Variants in NEGR1 observed in about 807,000 individuals in gnomAD.
The protein encoded by NEGR1 is neuronal growth regulator 1.
Under a neutral mutation model 40.9 loss-of-function variants are expected in NEGR1, and 10 were observed. The observed-to-expected ratio is 0.24, with a 90% CI of 0.15 to 0.42. The LOEUF (loss-of-function observed/expected upper bound fraction) is 0.42. NEGR1 is among the 10% of genes least tolerant of loss of function. The probability of loss-of-function intolerance (pLI) is 1.00; values close to 1 mark genes in which losing one functional copy is unlikely to be tolerated. For synonymous variants in NEGR1, 185 were observed against 166.8 expected (o/e 1.11, Z -0.84); for missense variants, 352 against 438.9 (o/e 0.80, Z 1.77).
rs190853517 is a variant in NEGR1 at position 71,801,861 on chromosome 1, G to A, written c.410-25564C>T. 2.5e-3 allele frequency among the ~76,000 whole-genome samples: 388 copies of A among 152,284 alleles called. No homozygotes were observed. The Middle Eastern group carries it at 0.031, about 12-fold the overall frequency. On this transcript the variant is annotated intron_variant, in intron 2 of 6. Coordinates refer to ENST00000357731, the MANE Select transcript of NEGR1 (RefSeq NM_173808.3). ...TAAAGGTGATACTGATGAGGGTTCT[G>A]AAAGAAAAGAGGAAGACAGTAGTGC...
At chr1:72,262,751 C>CTTCTAAAATTA (rs1274416264) in intron 1 of NEGR1, among the ~76,000 whole-genome samples, 1 of 151,794 alleles carries the variant, frequency 6.6e-6, no homozygotes, top group East Asian at 1.9e-4. Flanking sequence ...AGATATTTGT[C>CTTCTAAAATTA]TTCTAAAATT....
chr1:71,653,282 T>C (rs1651776443), intron 4 of NEGR1, among the ~76,000 whole-genome samples: 1 of 152,236 alleles, frequency 6.6e-6, no homozygotes, highest in Admixed American at 6.5e-5. Context: ...TTGGAATATT[T>C]ATGAAGACAT....
intron 2 of NEGR1, among the ~76,000 whole-genome samples, chr1:71,917,087 G>A (rs1661605687): frequency 6.6e-6 from 1 of 152,164 alleles, no homozygotes; most frequent in Admixed American, 6.5e-5. Flanking sequence ...GTAATAGAGA[G>A]GACTGAGGCC....
At position 72,217,318 on chromosome 1, in the gene NEGR1, T is replaced by G. The variant is rs541761341; in HGVS notation, c.176+65001A>C. On this transcript the variant is annotated intron_variant, in intron 1 of 6. Transcript: ENST00000357731. ...AGGCATAATAAAAAAATTTCACATT[T>G]AAAATTGAACTTTTTCAACAAAAAT... 8.8e-4 allele frequency among the ~76,000 whole-genome samples: 134 copies of G among 152,008 alleles called. 3 individuals carry two copies. Among genetic ancestry groups the G allele is most frequent in the African/African-American group, 3.1e-3 (128 of 41,550 alleles).
intron 2 of NEGR1, among the ~76,000 whole-genome samples, chr1:71,899,024 A>ATG (rs1400018910): frequency 2.4e-5 from 3 of 124,618 alleles, no homozygotes; most frequent in African/African-American, 9.4e-5. Flanking sequence ...ATGGCAACTA[A>ATG]TGTGTGTGTG....
intron 1 of NEGR1, among the ~76,000 whole-genome samples, chr1:72,171,471 G>T (rs61765613): frequency 0.13 from 19,608 of 152,056 alleles, 1,667 homozygotes; most frequent in Non-Finnish European, 0.19. Flanking sequence ...AAATATCACC[G>T]ATAGCTACAT....
At chr1:71,918,411 G>T (rs1229693443) in intron 2 of NEGR1, among the ~76,000 whole-genome samples, 5 of 151,988 alleles carry the variant, frequency 3.3e-5, no homozygotes, top group Non-Finnish European at 5.9e-5. Flanking sequence ...ACTCCAAGGT[G>T]TGCAAAGCCA....
chr1:71,953,105 G>T (rs1481664636), intron 1 of NEGR1, among the ~76,000 whole-genome samples: 1 of 151,868 alleles, frequency 6.6e-6, no homozygotes, highest in Admixed American at 6.6e-5. Flanking sequence ...CATCCATTCT[G>T]CAGCTCATGA....
At chr1:72,063,712 A>G (rs761038520) in intron 1 of NEGR1, among the ~76,000 whole-genome samples, 40 of 151,954 alleles carry the variant, frequency 2.6e-4, no homozygotes, top group Middle Eastern at 3.2e-3. Context: ...GCAGGTCACA[A>G]AACTATCTCA....
At chr1:72,077,212 T>C (rs1029913724) in intron 1 of NEGR1, among the ~76,000 whole-genome samples, 4 of 152,034 alleles carry the variant, frequency 2.6e-5, no homozygotes, top group African/African-American at 7.2e-5. Flanking sequence ...TCTATTTTTA[T>C]GTTAAAGGAA....
chr1:71,581,630 G>C (rs918045678), intron 6 of NEGR1, among the ~76,000 whole-genome samples: 1 of 151,804 alleles, frequency 6.6e-6, no homozygotes, highest in Admixed American at 6.6e-5. Flanking sequence ...AGAAGCAACT[G>C]ACTATATGGA....
intron 1 of NEGR1, among the ~76,000 whole-genome samples, chr1:72,099,088 T>G (rs888539571): frequency 6.6e-6 from 1 of 151,920 alleles, no homozygotes; most frequent in Non-Finnish European, 1.5e-5. Context: ...ACATTTATTC[T>G]GAATAAGAAA....
intron 2 of NEGR1, among the ~76,000 whole-genome samples, chr1:71,917,203 G>T (rs1026015137): frequency 6.6e-6 from 1 of 152,284 alleles, no homozygotes; most frequent in Non-Finnish European, 1.5e-5. Context: ...TAAGGAGAGA[G>T]CTGGAAAACT....
Position 71,875,156 on chromosome 1 carries a change from G to A in NEGR1, c.409+59923C>T, listed in dbSNP as rs144292330. Among the ~76,000 whole-genome samples the A allele has an allele frequency of 5.4e-3, 820 of 152,034 alleles. 4 individuals carry two copies. The highest frequency in any genetic ancestry group is 0.019 in the African/African-American group (780 of 41,466). On this transcript the variant is annotated intron_variant, in intron 2 of 6. Transcript: ENST00000357731. ...GCCACTGTGCCTGGCCAAGTTTTTC[G>A]TTTCTATAAAAGTATACTTATATTA... is the stretch of plus-strand genomic sequence containing the variant.
At chr1:71,626,212 A>T (rs1650768611) in intron 4 of NEGR1, among the ~76,000 whole-genome samples, 1 of 151,908 alleles carries the variant, frequency 6.6e-6, no homozygotes, top group Non-Finnish European at 1.5e-5. Flanking sequence ...AACTTTATTT[A>T]TTTATTTTTT....
At chr1:71,626,118 T>TCCACAAAA (rs1397882809) in intron 4 of NEGR1, among the ~76,000 whole-genome samples, 15 of 151,942 alleles carry the variant, frequency 9.9e-5, no homozygotes, top group African/African-American at 3.6e-4. Context: ...AAAATTGTCT[T>TCCACAAAA]CCACAAAACC....
chr1:71,931,719 G>A (rs765896180), intron 2 of NEGR1, among the ~76,000 whole-genome samples: 2 of 152,100 alleles, frequency 1.3e-5, no homozygotes, highest in Non-Finnish European at 2.9e-5. Context: ...TTCCTTTCAA[G>A]ATTAATTTTC....
intron 6 of NEGR1, among the ~76,000 whole-genome samples, chr1:71,471,922 C>T (rs1435260904): frequency 1.3e-5 from 2 of 152,020 alleles, no homozygotes; most frequent in Admixed American, 1.3e-4. Flanking sequence ...GAGGCTGAAC[C>T]CAGCTGTCTT....
At chr1:71,714,064 AG>A (rs1229691864) in intron 3 of NEGR1, among the ~76,000 whole-genome samples, 1 of 152,168 alleles carries the variant, frequency 6.6e-6, no homozygotes, top group African/African-American at 2.4e-5. Context: ...TAAAGGAAAG[AG>A]GTTTAATTGA....
Sources: allele counts gnomAD v4.1 joint callset (sites outside exome capture counted in the v4.1 genomes callset), GRCh38; gene constraint gnomAD v4.1.1; transcripts MANE v1.5; gene names NCBI Gene and HGNC (gene_info 2026-07-23, HGNC 2026-07-21).